The following CSMD3 variants were observed in gnomAD, a reference collection of about 807,000 sequenced individuals.
The protein encoded by CSMD3 is CUB and sushi domain-containing protein 3.
A neutral mutation model predicts 435.2 loss-of-function variants in CSMD3; 177 were observed. The observed-to-expected ratio is 0.41, with a 90% confidence interval of 0.36 to 0.46. The LOEUF is 0.46. Ranked by LOEUF, CSMD3 falls within the 20% of genes least tolerant of loss-of-function variation. CSMD3 has a pLI of 0.34. For synonymous variants in CSMD3, 1,656 were observed against 1,520.5 expected (o/e 1.09, Z -2.07); for missense variants, 4,265 against 4,504.6 (o/e 0.95, Z 1.52).
chr8:112,955,322 T>A (rs755472579), intron 7 of CSMD3, among the ~76,000 whole-genome samples: 1 of 151,766 alleles, frequency 6.6e-6, no homozygotes, highest in Non-Finnish European at 1.5e-5. Context: ...TTAGTCCATA[T>A]TGCACAAAAT....
intron 47 of CSMD3, among the ~76,000 whole-genome samples, 196 bp from the exon 48 acceptor site, chr8:112,314,813 G>A (rs186191825): frequency 6.6e-6 from 1 of 151,834 alleles, no homozygotes; most frequent in Non-Finnish European, 1.5e-5. Context: ...TTATAGTATT[G>A]ATTTATTTTT....
chr8:112,462,476 A>G (rs1194913627), intron 32 of CSMD3, among the ~76,000 whole-genome samples: 4 of 152,188 alleles, frequency 2.6e-5, no homozygotes, highest in Admixed American at 6.5e-5. Flanking sequence ...CAGAAATATG[A>G]AACATAAACA....
At chr8:113,278,550 T>G in intron 3 of CSMD3, 42 bp downstream of exon 3, 1 of 927,312 alleles carries the variant, frequency 1.1e-6, no homozygotes, top group Non-Finnish European at 1.8e-6. Flanking sequence ...TTTGTTAGAT[T>G]ACATTAAGGG....
intron 9 of CSMD3, among the ~76,000 whole-genome samples, chr8:112,928,793 G>T (rs1312106373): frequency 2.0e-5 from 3 of 149,690 alleles, no homozygotes; most frequent in Non-Finnish European, 4.5e-5. Context: ...AGTCCTTTGG[G>T]TATATACCCA....
At chr8:112,453,354 C>G (rs1209884719) in intron 32 of CSMD3, among the ~76,000 whole-genome samples, 1 of 152,002 alleles carries the variant, frequency 6.6e-6, no homozygotes, top group Non-Finnish European at 1.5e-5. Flanking sequence ...GATCATACAC[C>G]TACAAAACAC....
chr8:112,599,249 C>T (rs1832076912), intron 22 of CSMD3, among the ~76,000 whole-genome samples: 1 of 150,918 alleles, frequency 6.6e-6, no homozygotes, highest in Admixed American at 6.6e-5. Context: ...ATTTATGCAG[C>T]CAAAAAACAC....
At chr8:113,306,779 A>T in intron 2 of CSMD3, among the ~76,000 whole-genome samples, 1 of 152,176 alleles carries the variant, frequency 6.6e-6, no homozygotes, top group East Asian at 1.9e-4. Flanking sequence ...TATGTTAATT[A>T]TAAAGAACCA....
At chr8:112,279,532 G>A (rs573556993) in intron 59 of CSMD3, among the ~76,000 whole-genome samples, 1 of 152,240 alleles carries the variant, frequency 6.6e-6, no homozygotes, top group South Asian at 2.1e-4. Flanking sequence ...CCTTGGACCT[G>A]TCCTTCTAAT....
chr8:113,167,173 T>G (rs1307714021), intron 4 of CSMD3, among the ~76,000 whole-genome samples: 2 of 152,162 alleles, frequency 1.3e-5, no homozygotes, highest in Non-Finnish European at 2.9e-5. Context: ...GGCACATGTT[T>G]AACTGTCAAT....
rs140551322 is a variant in CSMD3 at position 112,510,888 on chromosome 8, T to G, written c.4757-4059A>C. Among the ~76,000 whole-genome samples the G allele has an allele frequency of 1.4e-3, 215 of 152,354 alleles. 2 individuals are homozygous for G. The highest frequency in any genetic ancestry group is 4.9e-3 in the African/African-American group (203 of 41,590). ...GTTGAATTGCTAGTGGTTCTTTATA[T>G]TTGATTATGTAAATAGTGAAGATGA... On this transcript the variant is annotated intron_variant, in intron 28 of 70. Coordinates refer to ENST00000297405, the MANE Select transcript of CSMD3 (RefSeq NM_198123.2).
intron 10 of CSMD3, among the ~76,000 whole-genome samples, chr8:112,913,221 G>A (rs951557401): frequency 3.3e-5 from 5 of 151,902 alleles, no homozygotes; most frequent in African/African-American, 1.2e-4. Flanking sequence ...CCATGGACTC[G>A]GGGGAGGAGT....
At chr8:112,404,547 C>T (rs1182220528) in intron 35 of CSMD3, among the ~76,000 whole-genome samples, 1 of 151,200 alleles carries the variant, frequency 6.6e-6, no homozygotes, top group Non-Finnish European at 1.5e-5. Flanking sequence ...AATTACATAT[C>T]CTGTGAATGC....
chr8:113,291,171 G>A (rs2093683845), intron 2 of CSMD3, among the ~76,000 whole-genome samples: 1 of 151,480 alleles, frequency 6.6e-6, no homozygotes. Flanking sequence ...TATTTTAGTT[G>A]TTGAAAACCA....
chr8:112,907,113 G>T (rs187194299), intron 10 of CSMD3, among the ~76,000 whole-genome samples: 4 of 151,606 alleles, frequency 2.6e-5, no homozygotes, highest in African/African-American at 9.6e-5. Context: ...AATCAGAAAA[G>T]GGAAAAGTTA....
chr8:112,841,451 AG>A (rs1455218842), intron 11 of CSMD3, among the ~76,000 whole-genome samples: 1 of 151,828 alleles, frequency 6.6e-6, no homozygotes, highest in Non-Finnish European at 1.5e-5. Flanking sequence ...GACATTTCTA[AG>A]GGGCTTCCTC....
chr8:113,021,589 G>A (rs543534835), intron 5 of CSMD3, among the ~76,000 whole-genome samples: 6 of 152,090 alleles, frequency 3.9e-5, no homozygotes, highest in Non-Finnish European at 2.9e-5. Flanking sequence ...CATGAGAATC[G>A]GCTCCACAAG....
chr8:112,382,423 C>T (rs557519042), intron 37 of CSMD3, among the ~76,000 whole-genome samples: 2 of 151,946 alleles, frequency 1.3e-5, no homozygotes, highest in South Asian at 2.1e-4. Context: ...ATGTTTAAAT[C>T]AAATCACTCT....
intron 32 of CSMD3, among the ~76,000 whole-genome samples, chr8:112,464,030 A>G (rs1423299242): frequency 1.3e-5 from 2 of 152,064 alleles, no homozygotes; most frequent in Non-Finnish European, 2.9e-5. Context: ...AGGTCAGGAG[A>G]TCGAGACCAT....
At chr8:113,017,563 G>A (rs190365678) in intron 6 of CSMD3, among the ~76,000 whole-genome samples, 209 of 151,982 alleles carry the variant, frequency 1.4e-3, no homozygotes, top group African/African-American at 4.6e-3. Context: ...AAAGATCACA[G>A]GAATCGAAGA....
Sources: gnomAD v4.1 joint callset for allele counts (sites outside exome capture counted in the v4.1 genomes callset) on GRCh38, gnomAD v4.1.1 for gene constraint, MANE v1.5 for transcripts, NCBI Gene and HGNC (gene_info 2026-07-23, HGNC 2026-07-21) for gene names.